Variants in RNF13 observed in about 807,000 individuals in gnomAD.
RNF13 encodes ring finger protein 13, also known as E3 ubiquitin-protein ligase RNF13.
RNF13 carries 19 observed loss-of-function variants against 37.7 expected under a neutral mutation model. The observed-to-expected ratio is 0.50, with a 90% CI of 0.35 to 0.74. The LOEUF is 0.74. Ranked by LOEUF, RNF13 falls within the 30% of genes least tolerant of loss-of-function variation. The pLI is 0.01. For missense variants in RNF13, 375 were observed against 453.0 expected (o/e 0.83, Z 1.56); for synonymous variants, 144 against 157.8 (o/e 0.91, Z 0.65).
In RNF13 at chr3:149,820,216, C is replaced by CT. The variant is rs796739963; in HGVS notation, c.-17+6873dup. Reference sequence around the variant, plus strand: ...TAGTTCAGGCTCAGTTTCTTTCTTTCTTTTTTTTTTGTTTTTTTAAAGAGA... The same window carrying CT: ...TAGTTCAGGCTCAGTTTCTTTCTTTCTTTTTTTTTTTGTTTTTTTAAAGAGA... On this transcript the variant is annotated intron_variant, in intron 1 of 9. Transcript: ENST00000392894. Among the ~76,000 whole-genome samples the CT allele has an allele frequency of 4.2e-3, 618 of 147,210 alleles. 2 individuals carry two copies. The highest frequency in any genetic ancestry group is 0.013 in the African/African-American group (520 of 40,192).
At chr3:149,864,238 C>G (rs538157441) in intron 3 of RNF13, among the ~76,000 whole-genome samples, 2 of 151,734 alleles carry the variant, frequency 1.3e-5, no homozygotes, top group Non-Finnish European at 2.9e-5. Flanking sequence ...AGTTCCTGTA[C>G]GAGCTAGTTG....
chr3:149,907,896 A>T (rs1195028353), intron 6 of RNF13, among the ~76,000 whole-genome samples: 1 of 152,248 alleles, frequency 6.6e-6, no homozygotes, highest in African/African-American at 2.4e-5. Context: ...TTTTTGATTA[A>T]GGAGAAACAG....
At chr3:149,879,607 C>T (rs887975879) in intron 4 of RNF13, among the ~76,000 whole-genome samples, 2 of 152,056 alleles carry the variant, frequency 1.3e-5, no homozygotes, top group African/African-American at 4.8e-5. Flanking sequence ...TGCATCTGGC[C>T]TGGTAATTCT....
chr3:149,925,310 A>G (rs1017186530), intron 8 of RNF13, among the ~76,000 whole-genome samples: 1 of 152,168 alleles, frequency 6.6e-6, no homozygotes, highest in African/African-American at 2.4e-5. Flanking sequence ...AGAATCATCC[A>G]GTTCAAGAGA....
chr3:149,812,839 G>A (rs756965367), upstream of RNF13: 2 of 152,388 alleles, frequency 1.3e-5, no homozygotes, highest in Non-Finnish European at 2.9e-5. Flanking sequence ...AGATCAGACC[G>A]ACCGGCCCTG....
intron 1 of RNF13, among the ~76,000 whole-genome samples, chr3:149,825,547 C>T (rs1421284806): frequency 6.6e-6 from 1 of 152,200 alleles, no homozygotes; most frequent in Non-Finnish European, 1.5e-5. Flanking sequence ...CACACCTACC[C>T]ATCAGCACCC....
intron 7 of RNF13, among the ~76,000 whole-genome samples, chr3:149,912,899 A>G (rs1003260833): frequency 6.6e-6 from 1 of 152,130 alleles, no homozygotes; most frequent in Non-Finnish European, 1.5e-5. Flanking sequence ...AAAAATTTCT[A>G]TAGGCTACAT....
chr3:149,960,329 C>T (rs1033013412), intron 9 of RNF13, among the ~76,000 whole-genome samples, 193 bp downstream of exon 9: 8 of 151,942 alleles, frequency 5.3e-5, no homozygotes, highest in African/African-American at 4.9e-5. Context: ...TGGTGGCTCA[C>T]GCCTGTAATC....
chr3:149,887,234 C>A (rs1714148594), intron 4 of RNF13, among the ~76,000 whole-genome samples: 1 of 152,144 alleles, frequency 6.6e-6, no homozygotes, highest in Admixed American at 6.5e-5. Flanking sequence ...CACAGTTCAA[C>A]AATGATAGTT....
chr3:149,881,883 T>C (rs1164711222), intron 4 of RNF13, among the ~76,000 whole-genome samples: 1 of 152,234 alleles, frequency 6.6e-6, no homozygotes, highest in Non-Finnish European at 1.5e-5. Context: ...CATGCCTTTG[T>C]ACCACCATTA....
In RNF13 at chr3:149,891,744, A is replaced by G. The variant is rs186377198; in HGVS notation, c.322-3729A>G. On this transcript the variant is annotated intron_variant, in intron 4 of 9. Transcript: ENST00000392894. ...TTGGATTTAGATTTGTTCACTGTGC[A>G]TGCTTTGTTTCATGAATCTTTAAGT... Among the ~76,000 whole-genome samples, 16 of 152,286 alleles carry G rather than the reference A, an allele frequency of 1.1e-4. No individual in the cohort carries two copies. The East Asian group carries it at 2.5e-3, about 24-fold the overall frequency.
chr3:149,942,731 C>G (rs1475776587), intron 8 of RNF13, among the ~76,000 whole-genome samples: 1 of 152,088 alleles, frequency 6.6e-6, no homozygotes, highest in Non-Finnish European at 1.5e-5. Flanking sequence ...CCTCCTAGTA[C>G]TGTGTTGAAT....
rs1411016974 is a variant in RNF13 at position 149,893,303 on chromosome 3, A to G, written c.322-2170A>G. Among the ~76,000 whole-genome samples the G allele has an allele frequency of 5.9e-5, 9 of 152,356 alleles. No homozygotes were observed. The South Asian group carries it at 8.3e-4, about 14-fold the overall frequency. ...TTCAGGGAAAAAAGTTAAATTATGTAATTTCAATGACTATGTGCTTTGGTT... is the reference window on the plus strand; with the variant it reads ...TTCAGGGAAAAAAGTTAAATTATGTGATTTCAATGACTATGTGCTTTGGTT... On this transcript the variant is annotated intron_variant, in intron 4 of 9. Coordinates refer to ENST00000392894, the MANE Select transcript of RNF13 (RefSeq NM_183381.3).
At chr3:149,843,039 A>G (rs1722322045) in intron 1 of RNF13, among the ~76,000 whole-genome samples, 1 of 152,194 alleles carries the variant, frequency 6.6e-6, no homozygotes, top group African/African-American at 2.4e-5. Flanking sequence ...TGGGTTCTAC[A>G]TCCATGGATT....
Position 149,921,040 on chromosome 3 carries a change from T to C in RNF13, c.607-94T>C, listed in dbSNP as rs114342088. ...ATGAATTGAATTGATTTGCAGTAGC[T>C]ATCCAGAAACTTAAAAGATATTTGT... On this transcript the variant is annotated intron_variant, in intron 7 of 9. Transcript: ENST00000392894. The C allele has an allele frequency of 1.1e-3, 453 of 406,556 alleles. 3 individuals carry two copies. The highest frequency in any genetic ancestry group is 8.4e-3 in the African/African-American group (406 of 48,292). 25.2% of individuals were successfully genotyped at this position (406,556 alleles called of 1,614,324 possible). A position where few individuals can be genotyped will look rare whatever the true frequency, so the allele number is the denominator to read the frequency against.
intron 1 of RNF13, among the ~76,000 whole-genome samples, chr3:149,833,116 CTCTT>C (rs1721230862): frequency 1.3e-5 from 1 of 75,662 alleles, no homozygotes; most frequent in South Asian, 4.8e-4. Context: ...CTCTCTCTCT[CTCTT>C]TTTTTTTTTT....
rs1722495439 is a variant in RNF13 at position 149,962,076 on chromosome 3, A to G, written c.*972A>G. On this transcript the variant is annotated 3_prime_UTR_variant, in exon 10 of 10. Coordinates refer to ENST00000392894, the MANE Select transcript of RNF13 (RefSeq NM_183381.3). The stretch of plus-strand genomic sequence containing the variant: ...TAATCAAAATGCTAAGGATTTTTAT[A>G]TGGCCTTGTATGAGGGGAGTTTGAA... 6.6e-6 allele frequency: 1 copy of G among 152,650 alleles called. No individual in the cohort carries two copies. Among genetic ancestry groups the G allele is most frequent in the African/African-American group, 2.4e-5 (1 of 41,464 alleles). The allele number at this position is 152,650 out of a possible 1,614,324, so 9.5% of individuals were successfully genotyped here.
At chr3:149,934,475 T>G (rs2108564461) in intron 8 of RNF13, among the ~76,000 whole-genome samples, 1 of 152,216 alleles carries the variant, frequency 6.6e-6, no homozygotes, top group Admixed American at 6.5e-5. Flanking sequence ...TGATGGAGGA[T>G]TATTGCTATG....
intron 4 of RNF13, 125 bp downstream of exon 4, chr3:149,872,279 G>T: frequency 1.5e-6 from 1 of 648,606 alleles, no homozygotes; most frequent in Non-Finnish European, 2.5e-6. Flanking sequence ...AAAATAAACT[G>T]GATTCATAGA....
Sources: gnomAD v4.1 joint callset for allele counts (sites outside exome capture counted in the v4.1 genomes callset) on GRCh38, gnomAD v4.1.1 for gene constraint, MANE v1.5 for transcripts, NCBI Gene and HGNC (gene_info 2026-07-23, HGNC 2026-07-21) for gene names.